EXPH5: variants seen among roughly 807,000 people sequenced by gnomAD.
EXPH5 encodes exophilin-5.
Under a neutral mutation model 41.1 loss-of-function variants are expected in EXPH5, and 42 were observed. The ratio of observed to expected loss-of-function variants is 1.02; its 90% CI spans 0.80 to 1.32. EXPH5 has a LOEUF of 1.32. Ranked by LOEUF, EXPH5 falls within the 40% of genes most tolerant of loss-of-function variation. The pLI, the probability that EXPH5 is intolerant of heterozygous loss-of-function variation, is 0.00. For missense variants in EXPH5, 2,298 were observed against 2,314.5 expected, an observed-to-expected ratio of 0.99 and a Z score of 0.15; for synonymous variants, 798 against 833.5, an observed-to-expected ratio of 0.96 and a Z score of 0.73.
chr11:108,543,043 A>T (rs1469837539), intron 1 of EXPH5, among the ~76,000 whole-genome samples: 1 of 152,054 alleles, frequency 6.6e-6, no homozygotes, highest in East Asian at 1.9e-4. Context: ...TAGATAATGA[A>T]CTTCTTTACA....
At chr11:108,554,676 C>T (rs1358681049) in intron 1 of EXPH5, among the ~76,000 whole-genome samples, 1 of 152,138 alleles carries the variant, frequency 6.6e-6, no homozygotes, top group African/African-American at 2.4e-5. Context: ...AATCCCAGCA[C>T]TTAGGGAGGC....
At chr11:108,552,398 G>A (rs762650022) in intron 1 of EXPH5, among the ~76,000 whole-genome samples, 3 of 152,126 alleles carry the variant, frequency 2.0e-5, no homozygotes, top group Non-Finnish European at 4.4e-5. Flanking sequence ...AATCATACAC[G>A]GAAGTCTGAA....
At chr11:108,553,488 T>G (rs891262858) in intron 1 of EXPH5, among the ~76,000 whole-genome samples, 1 of 152,212 alleles carries the variant, frequency 6.6e-6, no homozygotes, top group Non-Finnish European at 1.5e-5. Flanking sequence ...TCTGTTTTCC[T>G]AGGTTTACAT....
chr11:108,542,973 C>A (rs1338638264), intron 1 of EXPH5, among the ~76,000 whole-genome samples: 1 of 152,170 alleles, frequency 6.6e-6, no homozygotes, highest in East Asian at 1.9e-4. Flanking sequence ...CCTGCCTTGA[C>A]CTCCCAAAGT....
At chr11:108,574,252 G>A (rs1028541749) in intron 1 of EXPH5, among the ~76,000 whole-genome samples, 1 of 151,858 alleles carries the variant, frequency 6.6e-6, no homozygotes, top group African/African-American at 2.4e-5. Flanking sequence ...GGTGGTGCAC[G>A]TTCATAGTCC....
chr11:108,585,776 G>A (rs903547521), intron 1 of EXPH5, among the ~76,000 whole-genome samples: 4 of 152,110 alleles, frequency 2.6e-5, no homozygotes, highest in Admixed American at 2.6e-4. Context: ...TCACACAAAA[G>A]CCTGCTCATG....
chr11:108,539,019 C>G lies in EXPH5; in HGVS notation c.443+5G>C, dbSNP rs759246470. ...GGGCCGTAACATGACCTGAGTTTAA[C>G]TCACCCTTTCTGTCCCAGTGATGGA... is the stretch of plus-strand genomic sequence containing the variant. On this transcript the variant is annotated splice_donor_5th_base_variant and intron_variant, in intron 3 of 5. Coordinates refer to ENST00000265843, the MANE Select transcript of EXPH5 (RefSeq NM_015065.3). 2 of 1,577,100 alleles carry G rather than the reference C, an allele frequency of 1.3e-6. No homozygotes were observed. The highest frequency in any genetic ancestry group is 2.7e-5 in the African/African-American group (2 of 73,430).
Position 108,518,276 on chromosome 11 carries a change from G to A in EXPH5, c.590C>T (p.Pro197Leu). ...CTCCAGCAGTGAAGCATCCCACGGT[G>A]GAGGCATGCCACTCTCCTCCCTCAT... ...AVMREESGMPPPWDASLLENE... is the reference protein window; with the variant it reads ...AVMREESGMPLPWDASLLENE... The change falls in exon 5 of 6, where the codon CCA becomes CTA. Residue 197 changes from proline (P) to leucine (L), a missense_variant. Coordinates refer to ENST00000265843, the MANE Select transcript of EXPH5 (RefSeq NM_015065.3). The A allele has an allele frequency of 1.2e-6, 2 of 1,613,764 alleles. No homozygotes were observed. The highest frequency in any genetic ancestry group is 2.2e-5 in the East Asian group (1 of 44,864).
intron 1 of EXPH5, among the ~76,000 whole-genome samples, chr11:108,589,478 A>G (rs369765742): frequency 1.4e-4 from 22 of 152,334 alleles, no homozygotes; most frequent in African/African-American, 5.3e-4. Context: ...GTGTAAATCA[A>G]TCAGAAAAAA....
intron 1 of EXPH5, among the ~76,000 whole-genome samples, chr11:108,554,085 A>C (rs1442767523): frequency 7.2e-6 from 1 of 138,598 alleles, no homozygotes; most frequent in Admixed American, 7.4e-5. Context: ...TTTTTTGGTG[A>C]CAGGGTCTTG....
intron 3 of EXPH5, among the ~76,000 whole-genome samples, chr11:108,528,666 G>A (rs2093815671): frequency 6.7e-6 from 1 of 150,214 alleles, no homozygotes; most frequent in Non-Finnish European, 1.5e-5. Context: ...TGGATCTAGA[G>A]CCCTCTTTCT....
In EXPH5 at chr11:108,510,636, C is replaced by A; in HGVS notation, c.4871G>T (p.Gly1624Val). 6.2e-7 allele frequency: 1 copy of A among 1,614,138 alleles called. No homozygotes were observed. Among genetic ancestry groups the A allele is most frequent in the Non-Finnish European group, 8.5e-7 (1 of 1,180,018 alleles). The stretch of plus-strand genomic sequence containing the variant: ...TAAATGGTCAAAGCCAGATCTGCTT[C>A]CACTTTGGGGGAAGATAGTAGCTAC... ...RHVATIFPQS[G>V]SRSGFDHLSL... The change falls in exon 6 of 6, where the codon GGA becomes GTA. Residue 1624 changes from glycine to valine, a missense_variant. By Grantham distance (109) the Gly-to-Val change is moderately radical. Coordinates refer to ENST00000265843, the MANE Select transcript of EXPH5 (RefSeq NM_015065.3).
chr11:108,569,542 T>C (rs755610291), intron 1 of EXPH5, among the ~76,000 whole-genome samples: 4 of 152,246 alleles, frequency 2.6e-5, no homozygotes, highest in South Asian at 2.1e-4. Context: ...GGTTTCACCA[T>C]GTTGGCCAGG....
chr11:108,606,601 C>A, the EXPH5 span, among the ~76,000 whole-genome samples: 4 of 152,192 alleles, frequency 2.6e-5, no homozygotes, highest in South Asian at 4.2e-4. Context: ...TTATAATAAG[C>A]CCTTTAAAGA....
At chr11:108,551,123 G>A (rs767568039) in intron 1 of EXPH5, among the ~76,000 whole-genome samples, 7 of 152,084 alleles carry the variant, frequency 4.6e-5, no homozygotes, top group South Asian at 2.1e-4. Flanking sequence ...CTCCAGCATC[G>A]TCCTCATTTA....
chr11:108,538,935 A>G (rs1375467887), intron 3 of EXPH5, 89 bp downstream of exon 3: 1 of 1,170,334 alleles, frequency 8.5e-7, no homozygotes, highest in African/African-American at 1.5e-5. Context: ...TTCTAAGAAC[A>G]AACATTAAAC....
chr11:108,581,632 C>T (rs958450623), intron 1 of EXPH5, among the ~76,000 whole-genome samples: 1 of 151,818 alleles, frequency 6.6e-6, no homozygotes, highest in Non-Finnish European at 1.5e-5. Flanking sequence ...AAACATAAAG[C>T]AGGCAATGGT....
chr11:108,510,977 A>T lies in EXPH5; in HGVS notation c.4530T>A (p.Leu1510=), dbSNP rs2135906532. Residue 1510 remains leucine, a synonymous_variant, in exon 6 of 6, where the codon CTT becomes CTA. Coordinates refer to ENST00000265843, the MANE Select transcript of EXPH5 (RefSeq NM_015065.3). ...LSHSESQVFA[L]TPALHKLQLG... The stretch of plus-strand genomic sequence containing the variant: ...GCTGTAGTTTATGCAATGCTGGAGT[A>T]AGGGCAAAGACTTGACTCTCTGAGT... The T allele has an allele frequency of 6.2e-7, 1 of 1,614,164 alleles. No homozygotes were observed. The highest frequency in any genetic ancestry group is 2.2e-5 in the East Asian group (1 of 44,882).
chr11:108,527,147 C>T (rs1050888519), intron 4 of EXPH5, among the ~76,000 whole-genome samples: 3 of 152,160 alleles, frequency 2.0e-5, no homozygotes, highest in Non-Finnish European at 4.4e-5. Flanking sequence ...TGGTGAAACC[C>T]TGTGTCTACT....
Sources: allele counts gnomAD v4.1 joint callset (sites outside exome capture counted in the v4.1 genomes callset), GRCh38; gene constraint gnomAD v4.1.1; transcripts MANE v1.5; gene names NCBI Gene and HGNC (gene_info 2026-07-23, HGNC 2026-07-21).